The following GALNT9 variants were observed in gnomAD, a reference collection of about 807,000 sequenced individuals.
The protein encoded by GALNT9 is GalNAc transferase 9.
A neutral mutation model predicts 63.1 loss-of-function variants in GALNT9; 47 were observed. The ratio of observed to expected loss-of-function variants is 0.75; its 90% CI spans 0.59 to 0.95. The LOEUF (loss-of-function observed/expected upper bound fraction) is 0.95, where lower values mean the gene tolerates loss of function less well. Among genes scored for constraint, GALNT9 ranks in the 40% least tolerant of loss-of-function variants. GALNT9 has a pLI of 0.00. For missense variants in GALNT9, 829 were observed against 874.8 expected (o/e 0.95, Z 0.66); for synonymous variants, 396 against 365.7 (o/e 1.08, Z -0.94).
chr12:132,302,479 A>G (rs909841459), intron 1 of GALNT9, among the ~76,000 whole-genome samples: 3 of 152,234 alleles, frequency 2.0e-5, no homozygotes, highest in African/African-American at 7.2e-5. Flanking sequence ...TGCAAACATA[A>G]AATGTCAATT....
At chr12:132,320,750 G>A (rs912347906) in intron 1 of GALNT9, among the ~76,000 whole-genome samples, 4 of 148,618 alleles carry the variant, frequency 2.7e-5, no homozygotes, top group African/African-American at 9.9e-5. Context: ...TGCCCTCGGG[G>A]TTGGAGAATC....
rs1449854946 is a variant in GALNT9 at position 132,319,181 on chromosome 12, A to T, written c.238+9785T>A. Among the ~76,000 whole-genome samples the T allele has an allele frequency of 7.2e-5, 11 of 152,168 alleles. No individual in the cohort carries two copies. Among genetic ancestry groups the T allele is most frequent in the African/African-American group, 2.7e-4 (11 of 41,442 alleles). On this transcript the variant is annotated intron_variant, in intron 1 of 10. Transcript: ENST00000328957. This position sits in a 1 kb window ranked among gnomAD's most constrained non-coding sequence, Gnocchi z 5.2. The stretch of plus-strand genomic sequence containing the variant: ...TCCATAGAGAGGGCCTTGGATGCCC[A>T]GGTGGCTGGAAGTATTGCTTCCAGG...
intron 5 of GALNT9, 112 bp downstream of exon 5, chr12:132,257,577 C>A: frequency 1.3e-6 from 1 of 753,366 alleles, no homozygotes; most frequent in East Asian, 2.8e-5. Flanking sequence ...ACGCCCTCGT[C>A]CCCAGCCCTC....
In GALNT9 at chr12:132,257,678, G is replaced by A; in HGVS notation, c.959+11C>T. 1 of 1,544,882 alleles carries A rather than the reference G, an allele frequency of 6.5e-7. No individual in the cohort carries two copies. The highest frequency in any genetic ancestry group is 8.7e-7 in the Non-Finnish European group (1 of 1,143,460). The stretch of plus-strand genomic sequence containing the variant: ...GCAGGGCCGCCCTCGACCCCTGAGG[G>A]CGCAGCTCACCTGATGGGTGCTGAC... On this transcript the variant is annotated intron_variant, in intron 5 of 10. Coordinates refer to ENST00000328957, the MANE Select transcript of GALNT9 (RefSeq NM_001122636.2).
intron 1 of GALNT9, among the ~76,000 whole-genome samples, chr12:132,293,767 A>T (rs28718683): frequency 0.71 from 102,009 of 144,570 alleles, 35,127 homozygotes; most frequent in East Asian, 0.84. Context: ...TGAGCCCGTA[A>T]ACAGTCAGGG....
chr12:132,274,691 A>T (rs782307411), intron 2 of GALNT9: 4 of 152,274 alleles, frequency 2.6e-5, no homozygotes, highest in African/African-American at 9.7e-5. Flanking sequence ...TGAGTCTCCA[A>T]ATGGTTTTGT....
intron 6 of GALNT9, among the ~76,000 whole-genome samples, chr12:132,212,042 G>A (rs1474757574): frequency 1.3e-5 from 2 of 152,240 alleles, no homozygotes; most frequent in East Asian, 1.9e-4. Flanking sequence ...GTGCACGCAG[G>A]CAGGCCCCAC....
At position 132,268,990 on chromosome 12, in the gene GALNT9, G is replaced by A. The variant is rs144203610; in HGVS notation, c.420-6365C>T. 1.1e-3 allele frequency among the ~76,000 whole-genome samples: 166 copies of A among 152,360 alleles called. 1 individual carries two copies. Among genetic ancestry groups the A allele is most frequent in the African/African-American group, 3.8e-3 (157 of 41,586 alleles). On this transcript the variant is annotated intron_variant, in intron 2 of 10. Transcript: ENST00000328957. ...CTGGCCATTTGTTGAAACATAAAAC[G>A]TGTGGATATCTGAGCCTGGAGTTCA...
intron 7 of GALNT9, 152 bp from the exon 8 acceptor site, chr12:132,201,413 A>ACT: frequency 1.7e-6 from 1 of 588,356 alleles, no homozygotes; most frequent in Non-Finnish European, 3.0e-6. Context: ...TCCAGTTGGG[A>ACT]CCCCCCAGCC....
At chr12:132,228,081 C>G (rs1877762120) in intron 6 of GALNT9, among the ~76,000 whole-genome samples, 1 of 152,094 alleles carries the variant, frequency 6.6e-6, no homozygotes, top group Admixed American at 6.5e-5. Flanking sequence ...ACGCCATGTG[C>G]CGCCCCAGCA....
At chr12:132,322,146 A>G (rs1868831338) in intron 1 of GALNT9, among the ~76,000 whole-genome samples, 1 of 152,332 alleles carries the variant, frequency 6.6e-6, no homozygotes, top group East Asian at 1.9e-4. Context: ...CCGAGGTTCC[A>G]GGTGGACGTG....
chr12:132,301,285 GA>G (rs1881286485), intron 1 of GALNT9, among the ~76,000 whole-genome samples: 1 of 152,242 alleles, frequency 6.6e-6, no homozygotes, highest in African/African-American at 2.4e-5. Flanking sequence ...CCACTTTCAG[GA>G]GAGGAAGGGC....
chr12:132,209,018 C>T (rs935850435), intron 6 of GALNT9, among the ~76,000 whole-genome samples: 1 of 152,192 alleles, frequency 6.6e-6, no homozygotes, highest in Non-Finnish European at 1.5e-5. Context: ...GTGACGATGC[C>T]TGTGGTCACC....
At chr12:132,270,494 AC>A (rs1168519659) in intron 2 of GALNT9, among the ~76,000 whole-genome samples, 2 of 152,242 alleles carry the variant, frequency 1.3e-5, no homozygotes, top group African/African-American at 4.8e-5. Context: ...GCCCCTGAGA[AC>A]AGCTGGCTTC....
At chr12:132,203,755 G>T in intron 6 of GALNT9, 65 bp from the exon 7 acceptor site, 1 of 1,542,880 alleles carries the variant, frequency 6.5e-7, no homozygotes, top group Non-Finnish European at 8.6e-7. Context: ...CGGCCAGCTA[G>T]GGGCCCGTGA....
At position 132,199,250 on chromosome 12, in the gene GALNT9, C is replaced by G. The variant is rs369988175; in HGVS notation, c.1421G>C (p.Ser474Thr). 5 of 1,604,704 alleles carry G rather than the reference C, an allele frequency of 3.1e-6. No homozygotes were observed. The highest frequency in any genetic ancestry group is 3.4e-6 in the Non-Finnish European group (4 of 1,179,232). The change falls in exon 9 of 11, where the codon AGT (serine) becomes ACT (threonine). Residue 474 changes from serine to threonine, a missense_variant. By Grantham distance (58) the Ser-to-Thr change is moderately conservative. Transcript: ENST00000328957. ...TYGEVRNSKASAYCLDQGAED... is the reference protein window; with the variant it reads ...TYGEVRNSKATAYCLDQGAED... The stretch of plus-strand genomic sequence containing the variant: ...CGCTCCCTGGTCCAGACAGTAGGCA[C>G]TGGCTTTGCTGTTTCTCACCTGCAA...
rs768525336 is a variant in GALNT9 at position 132,197,233 on chromosome 12, C to G, written c.1686G>C (p.Arg562=). The G allele has an allele frequency of 1.9e-6, 3 of 1,612,610 alleles. No individual in the cohort carries two copies. The highest frequency in any genetic ancestry group is 2.5e-6 in the Non-Finnish European group (3 of 1,179,892). ...CCACCTCCAGGCAGCGGCCCGTGGC[C>G]CGGCTCACAATGGGGCCACTCTGTG... is the stretch of plus-strand genomic sequence containing the variant. ...DFTQSGPIVS[R]ATGRCLEVEM... Residue 562 remains arginine, a synonymous_variant, in exon 11 of 11, where the codon CGG becomes CGC. Coordinates refer to ENST00000328957, the MANE Select transcript of GALNT9 (RefSeq NM_001122636.2).
At chr12:132,291,881 G>C (rs561460967) in intron 1 of GALNT9, among the ~76,000 whole-genome samples, 1 of 152,278 alleles carries the variant, frequency 6.6e-6, no homozygotes, top group Non-Finnish European at 1.5e-5. Context: ...CCCCTGCTGG[G>C]AGCCATGGGC....
chr12:132,240,779 G>A (rs1555236949), intron 6 of GALNT9: 1 of 453,486 alleles, frequency 2.2e-6, no homozygotes, highest in African/African-American at 2.0e-5. Context: ...TGTGCAGTAT[G>A]ATCTATACAT....
Sources: gnomAD v4.1 joint callset for allele counts (sites outside exome capture counted in the v4.1 genomes callset) on GRCh38, gnomAD v4.1.1 for gene constraint, Gnocchi (gnomAD v3.1) non-coding constraint, MANE v1.5 for transcripts, NCBI Gene and HGNC (gene_info 2026-07-23, HGNC 2026-07-21) for gene names.